Variants in SMARCD1 observed in about 807,000 individuals in gnomAD.
The protein encoded by SMARCD1 is SWI/SNF-related matrix-associated actin-dependent regulator of chromatin subfamily D member 1.
SMARCD1 carries 16 observed loss-of-function variants against 70.8 expected under a neutral mutation model. That is an observed-to-expected ratio of 0.23 (90% confidence interval 0.15 to 0.34). The LOEUF (loss-of-function observed/expected upper bound fraction) is 0.34. Among genes scored for constraint, SMARCD1 ranks in the 10% least tolerant of loss-of-function variants. SMARCD1 has a pLI of 1.00. For synonymous variants in SMARCD1, 249 were observed against 246.0 expected, an observed-to-expected ratio of 1.01 and a Z score of -0.11; for missense variants, 409 against 655.5, an observed-to-expected ratio of 0.62 and a Z score of 4.11.
In SMARCD1 at chr12:50,099,393, CCTT is replaced by C. The variant is rs1379102214; in HGVS notation, c.*396_*398del. On this transcript the variant is annotated 3_prime_UTR_variant, in exon 13 of 13. Transcript: ENST00000394963. ...GACCCAGGAGTTGGGAGCTTTCGCT[CCTT>C]CTCCAAGACTCAGGCCTGTGGGCAC... 2 of 456,980 alleles carry C rather than the reference CCTT, an allele frequency of 4.4e-6. No individual in the cohort carries two copies. The highest frequency in any genetic ancestry group is 7.7e-6 in the Non-Finnish European group (2 of 260,116). 28.3% of individuals were successfully genotyped at this position (456,980 alleles called of 1,614,324 possible).
chr12:50,094,288 A>G (rs748896178), intron 9 of SMARCD1, 149 bp from the exon 10 acceptor site: 1 of 686,792 alleles, frequency 1.5e-6, no homozygotes, highest in Admixed American at 2.6e-5. Flanking sequence ...GCCACAATAA[A>G]GTGTAGAACA....
At chr12:50,096,288 G>A (rs1346676523) in intron 10 of SMARCD1, among the ~76,000 whole-genome samples, 3 of 152,176 alleles carry the variant, frequency 2.0e-5, no homozygotes, top group Non-Finnish European at 2.9e-5. Flanking sequence ...TGGGAAGAGG[G>A]GAGGAGGAGG....
intron 9 of SMARCD1, among the ~76,000 whole-genome samples, chr12:50,092,235 C>CTTTTTTTTTTTTTTTTTTTTT (rs60619880): frequency 1.5e-4 from 14 of 91,154 alleles, no homozygotes; most frequent in Non-Finnish European, 1.8e-4. Context: ...TTCTTTCTTT[C>CTTTTTTTTTTTTTTTTTTTTT]TTTTTTTTTT....
At chr12:50,086,373 AG>A in intron 2 of SMARCD1, 25 bp downstream of exon 2, 5 of 664,174 alleles carry the variant, frequency 7.5e-6, no homozygotes, top group Non-Finnish European at 1.4e-5. Context: ...GGGCAGAGGG[AG>A]GGAGGGAGGG....
rs1250350590 is a variant in SMARCD1 at position 50,085,451 on chromosome 12, T to G, written c.82T>G (p.Leu28Val). Residue 28 changes from leucine to valine, a missense_variant, in exon 1 of 13, where the codon TTG becomes GTG. Leu to Val is a conservative substitution (Grantham distance 32, BLOSUM62 1). Transcript: ENST00000394963. Reference protein sequence around the residue: ...ASGGAGAAAALGPGGTPGPPV... With the variant: ...ASGGAGAAAAVGPGGTPGPPV... ...AGGAGGGGCGGGCGCGGCTGCTGCC[T>G]TGGGCCCGGGCGGAACTCCGGGGCC... The G allele has an allele frequency of 1.6e-6, 2 of 1,238,952 alleles. No individual in the cohort carries two copies. The highest frequency in any genetic ancestry group is 2.0e-6 in the Non-Finnish European group (2 of 992,308). The allele number at this position is 1,238,952 out of a possible 1,614,324, so 76.7% of individuals were successfully genotyped here.
chr12:50,087,408 G>A lies in SMARCD1; in HGVS notation c.577G>A (p.Ala193Thr). Residue 193 changes from alanine (A) to threonine (T), a missense_variant, in exon 5 of 13, where the codon GCT becomes ACT. By Grantham distance (58) the Ala-to-Thr change is moderately conservative. Coordinates refer to ENST00000394963, the MANE Select transcript of SMARCD1 (RefSeq NM_003076.5). ...TTTCATTTCTAACACTTTCAATCCGGCTAAGTCAGATGCCGAGGATGGGGA... is the reference window on the plus strand; with the variant it reads ...TTTCATTTCTAACACTTTCAATCCGACTAAGTCAGATGCCGAGGATGGGGA... ...RIFISNTFNP[A>T]KSDAEDGEGT... 12 of 1,614,114 alleles carry A rather than the reference G, an allele frequency of 7.4e-6. No individual in the cohort carries two copies. Among genetic ancestry groups the A allele is most frequent in the Non-Finnish European group, 1.0e-5 (12 of 1,179,982 alleles).
chr12:50,098,857 G>A (rs1181026057), intron 12 of SMARCD1, 42 bp downstream of exon 12: 7 of 1,605,752 alleles, frequency 4.4e-6, no homozygotes, highest in Middle Eastern at 1.7e-4. Flanking sequence ...CAAAAGGCAC[G>A]GGGTTTTCAC....
intron 10 of SMARCD1, among the ~76,000 whole-genome samples, chr12:50,095,605 G>A (rs996957607): frequency 6.8e-6 from 1 of 147,222 alleles, no homozygotes. Flanking sequence ...GGGATCACAG[G>A]CGTGAGCCAC....
rs1398453163 is a variant in SMARCD1, at chr12:50,099,437, A to T, written c.*437A>T. The T allele has an allele frequency of 7.3e-6, 3 of 412,420 alleles. No individual in the cohort carries two copies. Among genetic ancestry groups the T allele is most frequent in the African/African-American group, 4.1e-5 (2 of 48,920 alleles). 25.5% of individuals were successfully genotyped at this position (412,420 alleles called of 1,614,324 possible). On this transcript the variant is annotated 3_prime_UTR_variant, in exon 13 of 13. Coordinates refer to ENST00000394963, the MANE Select transcript of SMARCD1 (RefSeq NM_003076.5). ...CTGTGGGCACTCTATAAGCTAGTTGATCTTGGCTCTCCTGATAACAGAATC... is the reference window on the plus strand; with the variant it reads ...CTGTGGGCACTCTATAAGCTAGTTGTTCTTGGCTCTCCTGATAACAGAATC...
intron 11 of SMARCD1, among the ~76,000 whole-genome samples, chr12:50,097,305 C>CT (rs1950900723): frequency 6.6e-6 from 1 of 152,228 alleles, no homozygotes. Flanking sequence ...AATCCCAGCA[C>CT]TTTGGGAGGC....
chr12:50,098,611 A>T, intron 11 of SMARCD1, 103 bp from the exon 12 acceptor site: 1 of 915,454 alleles, frequency 1.1e-6, no homozygotes, highest in South Asian at 1.5e-5. Flanking sequence ...TTAGACTTCA[A>T]CATTTTGGGG....
intron 5 of SMARCD1, chr12:50,088,159 GT>G: frequency 4.4e-6 from 3 of 677,472 alleles, no homozygotes; most frequent in Non-Finnish European, 8.1e-6. Context: ...AAATAAAGCT[GT>G]TTTTGTTCTG....
chr12:50,092,380 C>T (rs1386445279), intron 9 of SMARCD1, among the ~76,000 whole-genome samples: 5 of 151,280 alleles, frequency 3.3e-5, no homozygotes, highest in Non-Finnish European at 5.9e-5. Context: ...CATGCCACCA[C>T]GCCCAGCTAA....
Position 50,099,434 on chromosome 12 carries a change from T to C in SMARCD1, c.*434T>C, listed in dbSNP as rs1950920506. On this transcript the variant is annotated 3_prime_UTR_variant, in exon 13 of 13. Coordinates refer to ENST00000394963, the MANE Select transcript of SMARCD1 (RefSeq NM_003076.5). ...GGCCTGTGGGCACTCTATAAGCTAGTTGATCTTGGCTCTCCTGATAACAGA... is the reference window on the plus strand; with the variant it reads ...GGCCTGTGGGCACTCTATAAGCTAGCTGATCTTGGCTCTCCTGATAACAGA... The C allele has an allele frequency of 2.4e-6, 1 of 415,504 alleles. No individual in the cohort carries two copies. Among genetic ancestry groups the C allele is most frequent in the African/African-American group, 2.0e-5 (1 of 49,064 alleles). 25.7% of individuals were successfully genotyped at this position (415,504 alleles called of 1,614,324 possible). A position where few individuals can be genotyped will look rare whatever the true frequency, so the allele number is the denominator to read the frequency against.
rs755682374 is a variant in SMARCD1, at chr12:50,088,316, C to T, written c.655-205C>T. The T allele has an allele frequency of 3.3e-5, 23 of 699,898 alleles. No individual in the cohort carries two copies. In the East Asian group the frequency reaches 6.2e-4, roughly 19 times the overall value. The allele number at this position is 699,898 out of a possible 1,614,324, so 43.4% of individuals were successfully genotyped here. A position where few individuals can be genotyped will look rare whatever the true frequency, so the allele number is the denominator to read the frequency against. On this transcript the variant is annotated intron_variant, in intron 5 of 12. Transcript: ENST00000394963. ...GTAAAACAGTGACCCTCTATGTGTT[C>T]TAGGCTGCTTCTTCAGGGTTCTGTT...
chr12:50,085,949 T>G, intron 1 of SMARCD1: 1 of 413,416 alleles, frequency 2.4e-6, no homozygotes, highest in Non-Finnish European at 4.3e-6. Flanking sequence ...CAAAATAGAC[T>G]GAGAATTTGA....
chr12:50,091,249 T>C (rs546106579), intron 9 of SMARCD1, among the ~76,000 whole-genome samples: 25 of 152,188 alleles, frequency 1.6e-4, no homozygotes, highest in African/African-American at 5.8e-4. Context: ...TGAACAGTAA[T>C]GTAATGTTGG....
chr12:50,097,034 C>G lies in SMARCD1; in HGVS notation c.1392+62C>G, dbSNP rs1042465033. 3 of 1,464,790 alleles carry G rather than the reference C, an allele frequency of 2.0e-6. No homozygotes were observed. In the African/African-American group the frequency reaches 4.2e-5, roughly 21 times the overall value. The allele number at this position is 1,464,790 out of a possible 1,614,324, so 90.7% of individuals were successfully genotyped here. ...CAGTGAGGTGCACAGCTGCTTTATT[C>G]ATGTAGCAGCTGGTAGGAGACCCAG... On this transcript the variant is annotated intron_variant, in intron 11 of 12. Transcript: ENST00000394963.
chr12:50,086,571 C>T lies in SMARCD1; in HGVS notation c.366-50C>T, dbSNP rs368622791. On this transcript the variant is annotated intron_variant, in intron 2 of 12. Coordinates refer to ENST00000394963, the MANE Select transcript of SMARCD1 (RefSeq NM_003076.5). ...TGGACGTGCTGACAGCTTATTTTCA[C>T]GTTCTGACTAGTTCTGTCCCAACCT... 1,157 of 1,571,608 alleles carry T rather than the reference C, an allele frequency of 7.4e-4. 21 individuals are homozygous for T. The South Asian group carries it at 0.012, about 17-fold the overall frequency.
Sources: allele counts gnomAD v4.1 joint callset (sites outside exome capture counted in the v4.1 genomes callset), GRCh38; gene constraint gnomAD v4.1.1; transcripts MANE v1.5; gene names NCBI Gene and HGNC (gene_info 2026-07-23, HGNC 2026-07-21).